The following GOSR2 variants were observed in gnomAD, a reference collection of about 807,000 sequenced individuals.
GOSR2 encodes the protein 27 kDa Golgi SNARE protein.
GOSR2 carries 20 observed loss-of-function variants against 27.9 expected under a neutral mutation model. That is an observed-to-expected ratio of 0.72 (90% CI 0.50 to 1.04). The LOEUF (loss-of-function observed/expected upper bound fraction) is 1.04. Among genes scored for constraint, GOSR2 ranks in the 50% least tolerant of loss-of-function variants. The probability of loss-of-function intolerance (pLI) is 0.00; values close to 1 mark genes in which losing one functional copy is unlikely to be tolerated. For synonymous variants in GOSR2, 91 were observed against 98.8 expected, an observed-to-expected ratio of 0.92 and a Z score of 0.47; for missense variants, 261 against 270.5, an observed-to-expected ratio of 0.97 and a Z score of 0.25.
In GOSR2 at chr17:46,940,089, T is replaced by C. The variant is rs2089042865; in HGVS notation, c.*1329T>C. ...GTTGCTTGAACTGTCTTCTGTCTTA[T>C]TTCCCTTCCTTTCTGTGTTCCTCTT... On this transcript the variant is annotated 3_prime_UTR_variant, in exon 6 of 6. Transcript: ENST00000640051. 8 of 1,139,518 alleles carry C rather than the reference T, an allele frequency of 7.0e-6. No individual in the cohort carries two copies. Among genetic ancestry groups the C allele is most frequent in the Non-Finnish European group, 8.6e-6 (8 of 925,248 alleles). The allele number at this position is 1,139,518 out of a possible 1,614,324, so 70.6% of individuals were successfully genotyped here.
At position 46,923,171 on chromosome 17, in the gene GOSR2, C is replaced by T; in HGVS notation, c.-22C>T. 2.7e-6 allele frequency: 4 copies of T among 1,490,488 alleles called. No homozygotes were observed. Among genetic ancestry groups the T allele is most frequent in the African/African-American group, 1.4e-5 (1 of 72,152 alleles). 92.3% of individuals were successfully genotyped at this position (1,490,488 alleles called of 1,614,324 possible). ...GTTCCGAGGAAGCCAGAGCCGGAGC[C>T]GTGGCCTGCGGGGCCGGCGACATGG... On this transcript the variant is annotated 5_prime_UTR_variant, in exon 1 of 6. Transcript: ENST00000640051.
intron 6 of GOSR2, among the ~76,000 whole-genome samples, chr17:46,950,648 G>A (rs1470196852): frequency 6.6e-6 from 1 of 152,116 alleles, no homozygotes; most frequent in Non-Finnish European, 1.5e-5. Flanking sequence ...GAGCAGCAAG[G>A]GCTGACAGGA....
intron 6 of GOSR2, among the ~76,000 whole-genome samples, chr17:46,973,315 CTTTTTCTTTTCT>C (rs1484027275): frequency 1.3e-5 from 2 of 151,816 alleles, no homozygotes; most frequent in Admixed American, 6.6e-5. Context: ...CTGCTTTTTT[CTTTTTCTTTTCT>C]TTTTTCTTTT....
rs1599076140 is a variant in GOSR2 at position 46,941,003 on chromosome 17, C to T, written c.*2243C>T. On this transcript the variant is annotated 3_prime_UTR_variant, in exon 6 of 6. Coordinates refer to ENST00000640051, the MANE Select transcript of GOSR2 (RefSeq NM_004287.5). ...GTCCAGGCCAGGGAAGGAGCACCCT[C>T]TAGTGGAGGCGGGGGTGAATTCTTA... is the stretch of plus-strand genomic sequence containing the variant. 8.8e-7 allele frequency: 1 copy of T among 1,135,426 alleles called. No homozygotes were observed. 70.3% of individuals were successfully genotyped at this position (1,135,426 alleles called of 1,614,324 possible). A position where few individuals can be genotyped will look rare whatever the true frequency, so the allele number is the denominator to read the frequency against.
In GOSR2 at chr17:46,940,526, T is replaced by C. The variant is rs2089121519; in HGVS notation, c.*1766T>C. On this transcript the variant is annotated 3_prime_UTR_variant, in exon 6 of 6. Coordinates refer to ENST00000640051, the MANE Select transcript of GOSR2 (RefSeq NM_004287.5). Reference sequence around the variant, plus strand: ...TAATCCATAAAATGGATTCTGAGACTGCGACGGCAAGGCTGTCCTGTCCCC... The same window carrying C: ...TAATCCATAAAATGGATTCTGAGACCGCGACGGCAAGGCTGTCCTGTCCCC... The C allele has an allele frequency of 1.2e-6, 2 of 1,614,046 alleles. No homozygotes were observed. The highest frequency in any genetic ancestry group is 1.1e-5 in the South Asian group (1 of 91,082).
chr17:46,927,109 A>G (rs147147047), intron 1 of GOSR2, among the ~76,000 whole-genome samples: 2 of 152,324 alleles, frequency 1.3e-5, no homozygotes, highest in African/African-American at 4.8e-5. Flanking sequence ...GGCTGAAGAA[A>G]TGTGATCTCA....
In GOSR2 at chr17:46,938,878, A is replaced by G; in HGVS notation, c.*118A>G. 5.1e-6 allele frequency: 8 copies of G among 1,568,164 alleles called. No individual in the cohort carries two copies. The highest frequency in any genetic ancestry group is 6.0e-6 in the Non-Finnish European group (7 of 1,161,384). ...AAATGTTTGCCTGTCTGAACTGTGA[A>G]GACACTTGGGAGTGATTGTGGTCTA... On this transcript the variant is annotated 3_prime_UTR_variant, in exon 6 of 6. Coordinates refer to ENST00000640051, the MANE Select transcript of GOSR2 (RefSeq NM_004287.5).
chr17:46,925,359 T>C (rs748260789), intron 1 of GOSR2, among the ~76,000 whole-genome samples: 1 of 152,380 alleles, frequency 6.6e-6, no homozygotes. Flanking sequence ...TGAATATTTA[T>C]TGAGCACCTA....
intron 2 of GOSR2, 168 bp from the exon 3 acceptor site, chr17:46,930,931 C>T (rs1598978389): frequency 8.0e-6 from 5 of 621,242 alleles, no homozygotes; most frequent in Non-Finnish European, 8.7e-6. Flanking sequence ...ACAACATTTA[C>T]GGCCTAACTT....
At chr17:46,950,306 T>G in intron 6 of GOSR2, among the ~76,000 whole-genome samples, 1 of 151,474 alleles carries the variant, frequency 6.6e-6, no homozygotes, top group Non-Finnish European at 1.5e-5. Context: ...CTCTTGTAGG[T>G]GAGGAGGAGG....
chr17:46,958,840 G>A (rs2090891492), intron 6 of GOSR2, among the ~76,000 whole-genome samples: 1 of 152,232 alleles, frequency 6.6e-6, no homozygotes, highest in African/African-American at 2.4e-5. Context: ...CGGAGCTCTA[G>A]CCTGCTCTGC....
downstream of GOSR2, chr17:46,975,540 A>C (rs889578029): frequency 3.9e-5 from 6 of 152,298 alleles, no homozygotes; most frequent in African/African-American, 1.4e-4. Context: ...AACACCCTGC[A>C]GGCCTCAGGA....
At chr17:46,952,712 C>G (rs1332004214) in intron 6 of GOSR2, 1 of 152,130 alleles carries the variant, frequency 6.6e-6, no homozygotes, top group Non-Finnish European at 1.5e-5. Flanking sequence ...GAAAGCAAAA[C>G]AGAGAGAGAG....
rs550539638 is a variant in GOSR2 at position 46,974,472 on chromosome 17, C to T, written c.616-727C>T. The stretch of plus-strand genomic sequence containing the variant: ...CATCTCCGCCGGGCGCGGTGGCTCA[C>T]GCCTGTAATCCCAGCACTTTGGGAG... On this transcript the variant is annotated intron_variant, in intron 6 of 6. Transcript: ENST00000640723. 8.1e-4 allele frequency among the ~76,000 whole-genome samples: 124 copies of T among 152,328 alleles called. 2 individuals carry two copies. Among genetic ancestry groups the T allele is most frequent in the African/African-American group, 2.7e-3 (114 of 41,578 alleles).
intron 2 of GOSR2, 75 bp downstream of exon 2, chr17:46,929,659 A>C (rs1341573670): frequency 1.2e-6 from 1 of 801,588 alleles, no homozygotes; most frequent in Admixed American, 1.8e-5. Flanking sequence ...TCCTGACTGC[A>C]CTCTGCCTTG....
intron 6 of GOSR2, among the ~76,000 whole-genome samples, chr17:46,957,839 A>G (rs1443079291): frequency 1.3e-5 from 2 of 152,236 alleles, no homozygotes; most frequent in African/African-American, 2.4e-5. Context: ...CTAATGATCC[A>G]GACATCTCCA....
Position 46,962,733 on chromosome 17 carries a change from A to C in GOSR2, c.584-3801A>C, listed in dbSNP as rs182383578. Among the ~76,000 whole-genome samples the C allele has an allele frequency of 2.6e-4, 39 of 152,324 alleles. No individual in the cohort carries two copies. The East Asian group carries it at 5.4e-3, about 21-fold the overall frequency. Reference sequence around the variant, plus strand: ...AGCCAGCCAAGTCCTTGAAGGTTGCAGTTCCTGTCAGTATCACGTGCAGCA... The same window carrying C: ...AGCCAGCCAAGTCCTTGAAGGTTGCCGTTCCTGTCAGTATCACGTGCAGCA... On this transcript the variant is annotated intron_variant, in intron 6 of 6. Coordinates refer to the GOSR2 transcript ENST00000573224.
At chr17:46,938,571 T>C in intron 5 of GOSR2, 28 bp from the exon 6 acceptor site, 1 of 1,608,224 alleles carries the variant, frequency 6.2e-7, no homozygotes, top group Non-Finnish European at 8.5e-7. Flanking sequence ...TTGATGTTTG[T>C]TTTTTTTTCT....
intron 5 of GOSR2, 132 bp downstream of exon 5, chr17:46,935,301 G>C (rs2088124765): frequency 6.4e-7 from 1 of 1,553,928 alleles, no homozygotes; most frequent in Non-Finnish European, 8.7e-7. Context: ...GAGCCCTTGA[G>C]TTTGGGATCC....
Sources: gnomAD v4.1 joint callset for allele counts (sites outside exome capture counted in the v4.1 genomes callset) on GRCh38, gnomAD v4.1.1 for gene constraint, MANE v1.5 for transcripts, NCBI Gene and HGNC (gene_info 2026-07-23, HGNC 2026-07-21) for gene names.